Variants in ZNF804A observed in about 807,000 individuals in gnomAD.
The protein encoded by ZNF804A is zinc finger protein 804A.
Under a neutral mutation model 16.5 loss-of-function variants are expected in ZNF804A, and 2 were observed. The observed-to-expected ratio is 0.12, with a 90% confidence interval of 0.05 to 0.38. The LOEUF (loss-of-function observed/expected upper bound fraction) is 0.38. Ranked by LOEUF, ZNF804A falls within the 10% of genes least tolerant of loss-of-function variation. The pLI is 0.99. For synonymous variants in ZNF804A, 534 were observed against 489.6 expected (o/e 1.09, Z -1.20); for missense variants, 1,473 against 1,390.7 (o/e 1.06, Z -0.94).
rs1204965376 is a variant in ZNF804A at position 184,915,031 on chromosome 2, A to C, written c.256-18572A>C. The stretch of plus-strand genomic sequence containing the variant: ...GAGTAGTCATGCAGTAGTAATTTTT[A>C]TTTTGGTTTTACAATAAATCTTATT... On this transcript the variant is annotated intron_variant, in intron 2 of 3. Transcript: ENST00000302277. Among the ~76,000 whole-genome samples, 3 of 151,810 alleles carry C rather than the reference A, an allele frequency of 2.0e-5. No individual in the cohort carries two copies. In the South Asian group the frequency reaches 6.2e-4, roughly 32 times the overall value.
chr2:184,854,235 T>C (rs1695651824), intron 1 of ZNF804A, among the ~76,000 whole-genome samples: 1 of 151,978 alleles, frequency 6.6e-6, no homozygotes, highest in Non-Finnish European at 1.5e-5. Context: ...ATTCTATACC[T>C]GACCTCATGT....
At chr2:184,626,268 C>T (rs1336014635) in intron 1 of ZNF804A, among the ~76,000 whole-genome samples, 1 of 152,032 alleles carries the variant, frequency 6.6e-6, no homozygotes, top group Non-Finnish European at 1.5e-5. Flanking sequence ...ATTTTGAGAG[C>T]AGCTTGAGTG....
intron 1 of ZNF804A, among the ~76,000 whole-genome samples, chr2:184,755,112 G>A (rs1037572351): frequency 4.0e-5 from 6 of 151,814 alleles, no homozygotes; most frequent in African/African-American, 1.5e-4. Context: ...GTGTTAAAGA[G>A]GACCCTTAAT....
intron 1 of ZNF804A, among the ~76,000 whole-genome samples, chr2:184,789,198 T>C (rs996865941): frequency 6.6e-6 from 1 of 152,032 alleles, no homozygotes; most frequent in African/African-American, 2.4e-5. Flanking sequence ...CACTTGATCA[T>C]GGTTAATTAT....
chr2:184,654,951 A>G (rs1011597601), intron 1 of ZNF804A, among the ~76,000 whole-genome samples: 1 of 152,188 alleles, frequency 6.6e-6, no homozygotes, highest in African/African-American at 2.4e-5. Flanking sequence ...ATACAACAAG[A>G]CTTAGAAATG....
At chr2:184,787,733 T>G (rs1694470741) in intron 1 of ZNF804A, among the ~76,000 whole-genome samples, 1 of 151,996 alleles carries the variant, frequency 6.6e-6, no homozygotes, top group African/African-American at 2.4e-5. Flanking sequence ...TTTTAGTTCC[T>G]TGTAGTTTTT....
intron 1 of ZNF804A, among the ~76,000 whole-genome samples, chr2:184,620,981 T>C (rs1479432222): frequency 6.6e-6 from 1 of 151,582 alleles, no homozygotes; most frequent in Admixed American, 6.6e-5. Context: ...TAATTTCCTA[T>C]AATAAGAATA....
intron 1 of ZNF804A, among the ~76,000 whole-genome samples, chr2:184,668,864 T>A (rs963086164): frequency 2.6e-5 from 4 of 151,992 alleles, no homozygotes; most frequent in African/African-American, 9.7e-5. Flanking sequence ...GTAAATAGTA[T>A]TGCCCGAGAA....
chr2:184,796,729 T>C (rs1460586851), intron 1 of ZNF804A, among the ~76,000 whole-genome samples: 1 of 152,158 alleles, frequency 6.6e-6, no homozygotes, highest in South Asian at 2.1e-4. Flanking sequence ...AATGTCAGTT[T>C]GTGCTCTTTC....
At chr2:184,690,605 G>A (rs1376328235) in intron 1 of ZNF804A, among the ~76,000 whole-genome samples, 2 of 151,984 alleles carry the variant, frequency 1.3e-5, no homozygotes, top group Non-Finnish European at 2.9e-5. Context: ...CAAGAGAGGG[G>A]AACAGTTTTT....
chr2:184,646,830 C>T (rs912388643), intron 1 of ZNF804A, among the ~76,000 whole-genome samples: 2 of 152,272 alleles, frequency 1.3e-5, no homozygotes, highest in Admixed American at 6.5e-5. Context: ...CTCCCTTTGG[C>T]ACTGGTGTTT....
At chr2:184,915,341 C>T (rs769554277) in intron 2 of ZNF804A, among the ~76,000 whole-genome samples, 106 of 152,128 alleles carry the variant, frequency 7.0e-4, no homozygotes, top group Non-Finnish European at 9.4e-4. Context: ...TTGGTAATAG[C>T]TGCAAGGTAT....
rs542437489 is a variant in ZNF804A, at chr2:184,893,679, T to C, written c.255+27167T>C. Among the ~76,000 whole-genome samples, 169 of 152,170 alleles carry C rather than the reference T, an allele frequency of 1.1e-3. 1 individual carries two copies. The highest frequency in any genetic ancestry group is 2.1e-3 in the Non-Finnish European group (146 of 67,982). ...TAATGGATAACATGTTTTAGAATTC[T>C]ATGTGGAGTACACAACATTTGAAAG... On this transcript the variant is annotated intron_variant, in intron 2 of 3. Coordinates refer to ENST00000302277, the MANE Select transcript of ZNF804A (RefSeq NM_194250.2).
At chr2:184,804,224 G>T (rs777350803) in intron 1 of ZNF804A, among the ~76,000 whole-genome samples, 2 of 152,104 alleles carry the variant, frequency 1.3e-5, no homozygotes, top group Non-Finnish European at 2.9e-5. Context: ...GGTAATCCCA[G>T]ATTATCTTGA....
chr2:184,816,578 G>A (rs970027420), intron 1 of ZNF804A, among the ~76,000 whole-genome samples: 3 of 151,820 alleles, frequency 2.0e-5, no homozygotes, highest in Non-Finnish European at 4.4e-5. Flanking sequence ...GACTTCTTTA[G>A]AATTTGATCT....
intron 1 of ZNF804A, among the ~76,000 whole-genome samples, chr2:184,778,948 G>A (rs1694332730): frequency 6.6e-6 from 1 of 151,636 alleles, no homozygotes; most frequent in Non-Finnish European, 1.5e-5. Context: ...GGAGTCAGTT[G>A]AGAATAAGTG....
chr2:184,856,363 T>G (rs553999647), intron 1 of ZNF804A, among the ~76,000 whole-genome samples: 1 of 151,752 alleles, frequency 6.6e-6, no homozygotes, highest in Non-Finnish European at 1.5e-5. Context: ...AAAAAAAAAA[T>G]GATGTACAGT....
chr2:184,855,773 A>C (rs1255779516), intron 1 of ZNF804A, among the ~76,000 whole-genome samples: 1 of 151,986 alleles, frequency 6.6e-6, no homozygotes, highest in Non-Finnish European at 1.5e-5. Context: ...ACAGTAACTA[A>C]AGACACAGTT....
rs375879171 is a variant in ZNF804A at position 184,609,600 on chromosome 2, A to G, written c.111+10530A>G. ...CAAGATCAAGTTCCTAGCTGATTCCATATCTGGCGAGGACCTGCTTCCTGG... is the reference window on the plus strand; with the variant it reads ...CAAGATCAAGTTCCTAGCTGATTCCGTATCTGGCGAGGACCTGCTTCCTGG... On this transcript the variant is annotated intron_variant, in intron 1 of 3. Transcript: ENST00000302277. Among the ~76,000 whole-genome samples the G allele has an allele frequency of 2.6e-5, 4 of 152,206 alleles. No homozygotes were observed. In the East Asian group the frequency reaches 7.7e-4, roughly 29 times the overall value.
Sources: allele counts gnomAD v4.1 joint callset (sites outside exome capture counted in the v4.1 genomes callset), GRCh38; gene constraint gnomAD v4.1.1; transcripts MANE v1.5; gene names NCBI Gene and HGNC (gene_info 2026-07-23, HGNC 2026-07-21).